ZDHHC11B: variants seen among roughly 807,000 people sequenced by gnomAD.
ZDHHC11B encodes the protein probable palmitoyltransferase ZDHHC11B.
Under a neutral mutation model 42.3 loss-of-function variants are expected in ZDHHC11B, and 17 were observed. That is an observed-to-expected ratio of 0.40 (90% CI 0.27 to 0.60). The LOEUF (loss-of-function observed/expected upper bound fraction) is 0.60. Among genes scored for constraint, ZDHHC11B ranks in the 20% least tolerant of loss-of-function variants. The pLI is 0.41. For synonymous variants in ZDHHC11B, 123 were observed against 193.5 expected, an observed-to-expected ratio of 0.64 and a Z score of 3.02; for missense variants, 262 against 463.2, an observed-to-expected ratio of 0.57 and a Z score of 3.99.
intron 9 of ZDHHC11B, among the ~76,000 whole-genome samples, chr5:743,404 T>G (rs1579310605): frequency 1.3e-5 from 2 of 148,282 alleles, no homozygotes; most frequent in Non-Finnish European, 3.0e-5. Flanking sequence ...TCTTTTGAAT[T>G]TGCATATACA....
chr5:712,928 GTA>G (rs70955292), intron 13 of ZDHHC11B, among the ~76,000 whole-genome samples: 1 of 142,628 alleles, frequency 7.0e-6, no homozygotes. Flanking sequence ...GTGTGTGTGT[GTA>G]TATATATATA....
chr5:744,214 C>G (rs369431488), intron 9 of ZDHHC11B, among the ~76,000 whole-genome samples: 2 of 149,812 alleles, frequency 1.3e-5, no homozygotes, highest in South Asian at 4.4e-4. Flanking sequence ...CCATGCTGCT[C>G]GATTTGGTTT....
At chr5:720,580 C>T (rs1742107819) in intron 12 of ZDHHC11B, among the ~76,000 whole-genome samples, 1 of 151,746 alleles carries the variant, frequency 6.6e-6, no homozygotes, top group Non-Finnish European at 1.5e-5. Flanking sequence ...CAAAACCATA[C>T]AAAGAAATAA....
intron 1 of ZDHHC11B, among the ~76,000 whole-genome samples, chr5:773,943 CAGA>C (rs1347880564): frequency 2.0e-5 from 3 of 151,932 alleles, no homozygotes; most frequent in Non-Finnish European, 1.5e-5. Context: ...TTGAAGAGGA[CAGA>C]AGATGAGGGC....
rs560828168 is a variant in ZDHHC11B at position 733,260 on chromosome 5, C to T, written c.1023+492G>A. 4.0e-5 allele frequency among the ~76,000 whole-genome samples: 6 copies of T among 151,310 alleles called. No homozygotes were observed. In the East Asian group the frequency reaches 9.7e-4, roughly 24 times the overall value. On this transcript the variant is annotated intron_variant, in intron 11 of 13. Transcript: ENST00000508859. ...CAAAACCACACACATAACCACACCC[C>T]CCCACATATGTGCAACCACACACCA...
chr5:749,462 G>A (rs541978154), intron 7 of ZDHHC11B, among the ~76,000 whole-genome samples: 1 of 129,898 alleles, frequency 7.7e-6, no homozygotes, highest in Admixed American at 8.9e-5. Flanking sequence ...CGGCCTTGGG[G>A]GCCTTCCTAG....
At chr5:746,747 C>G (rs1744884561) in intron 8 of ZDHHC11B, among the ~76,000 whole-genome samples, 1 of 150,438 alleles carries the variant, frequency 6.6e-6, no homozygotes, top group Non-Finnish European at 1.5e-5. Flanking sequence ...CCCAAAGGAG[C>G]CTGCAGCCCC....
intron 4 of ZDHHC11B, among the ~76,000 whole-genome samples, chr5:758,249 C>T (rs1734121579): frequency 6.6e-6 from 1 of 151,930 alleles, no homozygotes; most frequent in African/African-American, 2.4e-5. Flanking sequence ...GAAGCCCCTT[C>T]CTCTGCAGAG....
intron 13 of ZDHHC11B, among the ~76,000 whole-genome samples, chr5:714,989 G>T (rs1209097927): frequency 2.0e-5 from 3 of 150,952 alleles, no homozygotes; most frequent in African/African-American, 7.3e-5. Flanking sequence ...CTCTCCATGT[G>T]ATCTCTGCAC....
intron 10 of ZDHHC11B, among the ~76,000 whole-genome samples, chr5:737,160 G>T (rs1338470639): frequency 2.0e-5 from 3 of 149,160 alleles, no homozygotes; most frequent in Admixed American, 6.8e-5. Flanking sequence ...GAATACAAAA[G>T]ATCATTTAAG....
At chr5:744,417 A>C (rs1348706575) in intron 9 of ZDHHC11B, among the ~76,000 whole-genome samples, 1 of 149,190 alleles carries the variant, frequency 6.7e-6, no homozygotes. Context: ...GAATTCATGC[A>C]TGAAGACTAC....
chr5:711,898 A>ATTTCCCAATACTGTGCTCC lies in ZDHHC11B; in HGVS notation c.*391_*392insGGAGCACAGTATTGGGAAA, dbSNP rs1391004746. On this transcript the variant is annotated 3_prime_UTR_variant, in exon 14 of 14. Coordinates refer to ENST00000508859, the MANE Select transcript of ZDHHC11B (RefSeq NM_001351303.2). ...GCTCCCATTTCCCAGTACTGTGCTC[A>ATTTCCCAATACTGTGCTCC]CAGGTGTGAGCCAACATGCCCGGCC... 1 of 58,784 alleles carries ATTTCCCAATACTGTGCTCC rather than the reference A, an allele frequency of 1.7e-5. No homozygotes were observed. The highest frequency in any genetic ancestry group is 3.6e-5 in the Non-Finnish European group (1 of 27,938). 3.6% of individuals were successfully genotyped at this position (58,784 alleles called of 1,614,324 possible). A position where few individuals can be genotyped will look rare whatever the true frequency, so the allele number is the denominator to read the frequency against.
intron 1 of ZDHHC11B, among the ~76,000 whole-genome samples, chr5:776,322 C>G (rs1413392673): frequency 6.6e-6 from 1 of 151,898 alleles, no homozygotes; most frequent in Non-Finnish European, 1.5e-5. Flanking sequence ...CCTGGGATGG[C>G]CCCTCTGCAA....
chr5:780,342 T>C (rs542228225), intron 1 of ZDHHC11B, among the ~76,000 whole-genome samples: 70 of 150,564 alleles, frequency 4.6e-4, no homozygotes, highest in African/African-American at 1.6e-3. Context: ...CGCGTGGACA[T>C]GCACCTGCTG....
intron 12 of ZDHHC11B, among the ~76,000 whole-genome samples, chr5:721,944 C>A (rs1382417294): frequency 6.6e-6 from 1 of 151,664 alleles, no homozygotes; most frequent in Non-Finnish European, 1.5e-5. Context: ...GAATTCAGGA[C>A]AGAAGAAGCT....
At chr5:733,326 A>G (rs571343821) in intron 11 of ZDHHC11B, among the ~76,000 whole-genome samples, 78 of 151,836 alleles carry the variant, frequency 5.1e-4, no homozygotes, top group African/African-American at 1.8e-3. Flanking sequence ...GTCTATTCCC[A>G]TCTGTCTCCC....
rs1744371404 is a variant in ZDHHC11B, at chr5:743,256, T to C, written c.901-1628A>G. Among the ~76,000 whole-genome samples the C allele has an allele frequency of 1.3e-5, 2 of 149,668 alleles. 1 individual carries two copies. The highest frequency in any genetic ancestry group is 4.4e-4 in the South Asian group (2 of 4,500). On this transcript the variant is annotated intron_variant, in intron 9 of 13. Coordinates refer to ENST00000508859, the MANE Select transcript of ZDHHC11B (RefSeq NM_001351303.2). ...GTCGGCGCCACACTGTTTTTATTACTGTAGCTTTATGTCTCTCTCTATGTC... is the reference window on the plus strand; with the variant it reads ...GTCGGCGCCACACTGTTTTTATTACCGTAGCTTTATGTCTCTCTCTATGTC...
At chr5:777,008 C>T (rs1172822301) in intron 1 of ZDHHC11B, among the ~76,000 whole-genome samples, 2 of 151,870 alleles carry the variant, frequency 1.3e-5, no homozygotes, top group Non-Finnish European at 2.9e-5. Context: ...CGTGCCTTTC[C>T]CCCTGCAGCA....
chr5:764,935 T>C (rs1735082774), intron 4 of ZDHHC11B, among the ~76,000 whole-genome samples: 1 of 86,042 alleles, frequency 1.2e-5, no homozygotes, highest in Non-Finnish European at 2.6e-5. Flanking sequence ...GCACTCTGTA[T>C]CTAGCTAATC....
Sources: gnomAD v4.1 joint callset for allele counts (sites outside exome capture counted in the v4.1 genomes callset) on GRCh38, gnomAD v4.1.1 for gene constraint, MANE v1.5 for transcripts, NCBI Gene and HGNC (gene_info 2026-07-23, HGNC 2026-07-21) for gene names.